SNX9: variants seen among roughly 807,000 people sequenced by gnomAD.
The protein encoded by SNX9 is sorting nexin 9.
A neutral mutation model predicts 89.4 loss-of-function variants in SNX9; 44 were observed. The observed-to-expected ratio is 0.49, with a 90% CI of 0.39 to 0.63. The LOEUF is 0.63. SNX9 is among the 30% of genes least tolerant of loss of function. The pLI is 0.00. For synonymous variants in SNX9, 236 were observed against 247.8 expected, an observed-to-expected ratio of 0.95 and a Z score of 0.45; for missense variants, 578 against 736.1, an observed-to-expected ratio of 0.79 and a Z score of 2.49.
chr6:157,864,219 G>A (rs1011233549), intron 1 of SNX9, among the ~76,000 whole-genome samples: 2 of 152,098 alleles, frequency 1.3e-5, no homozygotes, highest in African/African-American at 2.4e-5. Context: ...ACAGCAGACG[G>A]GTGAGCGAGA....
intron 1 of SNX9, among the ~76,000 whole-genome samples, chr6:157,845,907 A>G (rs1352412467): frequency 1.3e-5 from 2 of 152,236 alleles, no homozygotes; most frequent in Non-Finnish European, 2.9e-5. Context: ...GACTCCCTTA[A>G]TAAATCAGTA....
At chr6:157,863,641 C>A (rs867445742) in intron 1 of SNX9, among the ~76,000 whole-genome samples, 2 of 152,120 alleles carry the variant, frequency 1.3e-5, no homozygotes, top group Admixed American at 6.5e-5. Flanking sequence ...CTTTCAAAGA[C>A]CACATGGAAA....
intron 7 of SNX9, among the ~76,000 whole-genome samples, chr6:157,908,286 T>G (rs1783260272): frequency 6.6e-6 from 1 of 152,218 alleles, no homozygotes; most frequent in Non-Finnish European, 1.5e-5. Flanking sequence ...AATTATTTCA[T>G]TCTCCTTGAA....
intron 1 of SNX9, among the ~76,000 whole-genome samples, chr6:157,851,852 G>C (rs1308193204): frequency 1.3e-5 from 2 of 152,168 alleles, no homozygotes; most frequent in Non-Finnish European, 2.9e-5. Context: ...GCCTCCCAAA[G>C]TGCTGGGATT....
intron 4 of SNX9, among the ~76,000 whole-genome samples, chr6:157,887,970 C>T (rs996919892): frequency 2.6e-5 from 4 of 152,182 alleles, no homozygotes; most frequent in Admixed American, 1.3e-4. Context: ...CATCAATTGG[C>T]TTCTTGGAAG....
intron 6 of SNX9, among the ~76,000 whole-genome samples, chr6:157,902,824 C>T (rs1487765494): frequency 1.3e-5 from 2 of 152,046 alleles, no homozygotes; most frequent in South Asian, 2.1e-4. Flanking sequence ...TGTGCCACCG[C>T]GCCCAGCTAA....
intron 7 of SNX9, among the ~76,000 whole-genome samples, chr6:157,908,442 A>G (rs1055486212): frequency 1.3e-5 from 2 of 152,200 alleles, no homozygotes; most frequent in Non-Finnish European, 2.9e-5. Flanking sequence ...TCTCAGTATA[A>G]TAAGGACTTC....
At chr6:157,930,752 A>C (rs954188547) in intron 12 of SNX9, among the ~76,000 whole-genome samples, 1 of 152,228 alleles carries the variant, frequency 6.6e-6, no homozygotes, top group African/African-American at 2.4e-5. Context: ...ATTGTCTTCC[A>C]TGAAACCAGT....
chr6:157,894,328 T>C (rs796806022), intron 4 of SNX9, among the ~76,000 whole-genome samples: 1 of 151,444 alleles, frequency 6.6e-6, no homozygotes, highest in Admixed American at 6.6e-5. Flanking sequence ...CAGGCTGATC[T>C]CAAACTCCTG....
chr6:157,824,268 C>T (rs1212448991), intron 1 of SNX9, among the ~76,000 whole-genome samples: 2 of 152,188 alleles, frequency 1.3e-5, no homozygotes, highest in Admixed American at 1.3e-4. Context: ...TCCCCCGCTC[C>T]TTTTCCTTGG....
chr6:157,911,131 A>G (rs1284637683), intron 9 of SNX9, among the ~76,000 whole-genome samples: 1 of 152,152 alleles, frequency 6.6e-6, no homozygotes, highest in East Asian at 1.9e-4. Context: ...AAATAAATAA[A>G]TAAATAAATA....
chr6:157,897,101 A>G, intron 5 of SNX9, 103 bp downstream of exon 5: 6 of 1,177,164 alleles, frequency 5.1e-6, no homozygotes, highest in Non-Finnish European at 5.8e-6. Context: ...AGCACAACAC[A>G]GAACAGTTTT....
At chr6:157,887,830 A>G (rs942739857) in intron 4 of SNX9, among the ~76,000 whole-genome samples, 1 of 152,182 alleles carries the variant, frequency 6.6e-6, no homozygotes, top group African/African-American at 2.4e-5. Flanking sequence ...GCGCCTGAAA[A>G]GGATGCTGTC....
intron 1 of SNX9, among the ~76,000 whole-genome samples, chr6:157,862,404 G>C (rs1782155470): frequency 6.6e-6 from 1 of 152,114 alleles, no homozygotes; most frequent in Admixed American, 6.5e-5. Flanking sequence ...AGGTAAACTA[G>C]TTATACATAG....
intron 1 of SNX9, among the ~76,000 whole-genome samples, chr6:157,852,421 C>G (rs569600251): frequency 6.6e-6 from 1 of 152,072 alleles, no homozygotes; most frequent in Non-Finnish European, 1.5e-5. Context: ...ATTTTTTCCT[C>G]CCTCCCTCCC....
intron 4 of SNX9, among the ~76,000 whole-genome samples, chr6:157,890,680 G>A (rs1032731915): frequency 7.9e-5 from 12 of 152,146 alleles, no homozygotes; most frequent in Admixed American, 5.2e-4. Context: ...AGGGCCCCAC[G>A]TTCACGGGCA....
chr6:157,837,286 T>C (rs920301925), intron 1 of SNX9, among the ~76,000 whole-genome samples: 3 of 152,246 alleles, frequency 2.0e-5, no homozygotes, highest in African/African-American at 7.2e-5. Context: ...TGGAGGCTGG[T>C]TACTACTCTT....
chr6:157,861,611 G>A (rs1267957006), intron 1 of SNX9, among the ~76,000 whole-genome samples: 1 of 152,186 alleles, frequency 6.6e-6, no homozygotes, highest in Non-Finnish European at 1.5e-5. Context: ...AGTGGAGTAA[G>A]CGCAAGGTTG....
chr6:157,839,197 A>G (rs1298817368), intron 1 of SNX9, among the ~76,000 whole-genome samples: 1 of 152,156 alleles, frequency 6.6e-6, no homozygotes, highest in South Asian at 2.1e-4. Context: ...TTACTGTTAT[A>G]TGTGTGTGGG....
Sources: allele counts gnomAD v4.1 joint callset (sites outside exome capture counted in the v4.1 genomes callset), GRCh38; gene constraint gnomAD v4.1.1; transcripts MANE v1.5; gene names NCBI Gene and HGNC (gene_info 2026-07-23, HGNC 2026-07-21).